The following THBS1 variants were observed in gnomAD, a reference collection of about 807,000 sequenced individuals.
The protein encoded by THBS1 is thrombospondin-1.
Under a neutral mutation model 126.1 loss-of-function variants are expected in THBS1, and 29 were observed. That is an observed-to-expected ratio of 0.23 (90% CI 0.17 to 0.31). The LOEUF (loss-of-function observed/expected upper bound fraction) is 0.31. Ranked by LOEUF, THBS1 falls within the 10% of genes least tolerant of loss-of-function variation. THBS1 has a pLI of 1.00. For missense variants in THBS1, 1,198 were observed against 1,545.2 expected (o/e 0.78, Z 3.77); for synonymous variants, 496 against 577.8 (o/e 0.86, Z 2.03).
intron 7 of THBS1, 64 bp downstream of exon 7, chr15:39,585,627 C>T: frequency 1.4e-6 from 2 of 1,467,560 alleles, no homozygotes; most frequent in Non-Finnish European, 1.9e-6. Context: ...ACATCCTAGA[C>T]AGCCGAGCAC....
At chr15:39,588,483 G>C (rs1242148890) in intron 9 of THBS1, 43 bp from the exon 10 acceptor site, 2 of 1,521,006 alleles carry the variant, frequency 1.3e-6, no homozygotes, top group Non-Finnish European at 1.8e-6. Flanking sequence ...GGAGGGATTT[G>C]AAAGTTGATC....
Position 39,581,761 on chromosome 15 carries a change from G to GT in THBS1, c.-29-65dup, listed in dbSNP as rs1890111220. 9.7e-6 allele frequency: 10 copies of GT among 1,036,160 alleles called. No homozygotes were observed. The South Asian group carries it at 1.5e-4, about 15-fold the overall frequency. 64.2% of individuals were successfully genotyped at this position (1,036,160 alleles called of 1,614,324 possible). Reference sequence around the variant, plus strand: ...CGGCCCTGTCCCCATGCCCAGCCCCGTTTCTGCGCACCGTCCCTCCCTGCC... The same window carrying GT: ...CGGCCCTGTCCCCATGCCCAGCCCCGTTTTCTGCGCACCGTCCCTCCCTGCC... On this transcript the variant is annotated intron_variant, in intron 1 of 21. Transcript: ENST00000260356.
At position 39,599,153 on chromosome 15, in the gene THBS1, G is replaced by C. The variant is rs1890553525; in HGVS notation, c.*3784G>C. 4 of 152,036 alleles carry C rather than the reference G, an allele frequency of 2.6e-5. No individual in the cohort carries two copies. The highest frequency in any genetic ancestry group is 2.6e-4 in the Admixed American group (4 of 15,264). 9.4% of individuals were successfully genotyped at this position (152,036 alleles called of 1,614,324 possible). A position where few individuals can be genotyped will look rare whatever the true frequency, so the allele number is the denominator to read the frequency against. On this transcript the variant is annotated 3_prime_UTR_variant, in exon 22 of 22. Coordinates refer to ENST00000260356, the MANE Select transcript of THBS1 (RefSeq NM_003246.4). ...TTCCGGACAAACACTAAGCCCTAAA[G>C]GGAAATCCAAAATAAAAACATCTAT...
In THBS1 at chr15:39,593,397, G is replaced by A; in HGVS notation, c.2996G>A (p.Gly999Asp). ...TVNCDPGLAV[G>D]YDEFNAVDFS... ...ACCTGGCTCTGGGCTCTTCTTCCAG[G>A]TTATGATGAGTTTAATGCTGTGGAC... The change falls in exon 19 of 22, where the codon GGT becomes GAT. Residue 999 changes from glycine to aspartate, a missense_variant and splice_region_variant. Transcript: ENST00000260356. The surrounding 1 kb of genome is among the most constrained non-coding windows in gnomAD (Gnocchi z 5.9). 1 of 1,614,056 alleles carries A rather than the reference G, an allele frequency of 6.2e-7. No individual in the cohort carries two copies. The highest frequency in any genetic ancestry group is 2.2e-5 in the East Asian group (1 of 44,880).
chr15:39,590,012 C>A lies in THBS1; in HGVS notation c.2134C>A (p.His712Asn), dbSNP rs1010428135. Reference protein sequence around the residue: ...NLVCVANATYHCKKDNCPNLP... With the variant: ...NLVCVANATYNCKKDNCPNLP... Reference sequence around the variant, plus strand: ...GGTGTGCGTGGCCAATGCGACTTACCACTGCAAAAAGGTAGAGCCAGGTCC... The same window carrying A: ...GGTGTGCGTGGCCAATGCGACTTACAACTGCAAAAAGGTAGAGCCAGGTCC... Residue 712 changes from histidine to asparagine, a missense_variant, in exon 13 of 22, where the codon CAC becomes AAC. This residue lies in a region of THBS1 where 663 missense variants were observed against 860.1 expected (regional missense o/e 0.77). Transcript: ENST00000260356. The A allele has an allele frequency of 6.2e-7, 1 of 1,602,062 alleles. No homozygotes were observed. The highest frequency in any genetic ancestry group is 1.1e-5 in the South Asian group (1 of 89,148).
chr15:39,592,558 T>G lies in THBS1; in HGVS notation c.2533-10T>G. ...CTGCAATTTACCCTCCATTTACATC[T>G]CTCTTTCAGCTGGACTCTGACTCAG... is the stretch of plus-strand genomic sequence containing the variant. On this transcript the variant is annotated splice_polypyrimidine_tract_variant and intron_variant, in intron 16 of 21. Transcript: ENST00000260356. This position sits in a 1 kb window ranked among gnomAD's most constrained non-coding sequence, Gnocchi z 4.3. 1 of 1,605,482 alleles carries G rather than the reference T, an allele frequency of 6.2e-7. No individual in the cohort carries two copies. The highest frequency in any genetic ancestry group is 8.5e-7 in the Non-Finnish European group (1 of 1,174,892).
rs760884150 is a variant in THBS1, at chr15:39,593,622, A to G, written c.3221A>G (p.Glu1074Gly). 1.2e-6 allele frequency: 2 copies of G among 1,614,124 alleles called. No individual in the cohort carries two copies. The highest frequency in any genetic ancestry group is 3.3e-5 in the Admixed American group (2 of 60,014). Residue 1074 changes from glutamate to glycine, a missense_variant, in exon 19 of 22, where the codon GAG (glutamate) becomes GGG (glycine). Physicochemically the swap from Glu to Gly is moderately conservative, Grantham distance 98. Transcript: ENST00000260356. This position sits in a 1 kb window ranked among gnomAD's most constrained non-coding sequence, Gnocchi z 5.9. ...KVVNSTTGPGEHLRNALWHTG... is the reference protein window; with the variant it reads ...KVVNSTTGPGGHLRNALWHTG... ...GTAAACTCCACCACAGGGCCTGGCG[A>G]GCACCTGCGGAACGCCCTGTGGCAC...
At chr15:39,595,296 A>G (rs2140352294) in intron 21 of THBS1, 66 bp from the exon 22 acceptor site, 1 of 982,592 alleles carries the variant, frequency 1.0e-6, no homozygotes, top group Non-Finnish European at 1.4e-6. Context: ...CTTATTAACT[A>G]AGATGTCTAT....
At chr15:39,590,232 A>G (rs762877685) in intron 13 of THBS1, among the ~76,000 whole-genome samples, 2 of 152,224 alleles carry the variant, frequency 1.3e-5, no homozygotes, top group Non-Finnish European at 2.9e-5. Context: ...ACTGTGTTCC[A>G]TAGTCAACTC....
At chr15:39,591,696 G>A in intron 16 of THBS1, 73 bp downstream of exon 16, 1 of 1,398,412 alleles carries the variant, frequency 7.2e-7, no homozygotes. Flanking sequence ...TTTGAAAAAT[G>A]AGCTTAACAA....
In THBS1 at chr15:39,595,452, C is replaced by T; in HGVS notation, c.*83C>T. Reference sequence around the variant, plus strand: ...GGAACTATGGGCTTGAGAAAACCCCCAGGATCACTTCTCCTTGGCTTCCTT... The same window carrying T: ...GGAACTATGGGCTTGAGAAAACCCCTAGGATCACTTCTCCTTGGCTTCCTT... On this transcript the variant is annotated 3_prime_UTR_variant, in exon 22 of 22. Transcript: ENST00000260356. 1 of 1,462,754 alleles carries T rather than the reference C, an allele frequency of 6.8e-7. No homozygotes were observed. Among genetic ancestry groups the T allele is most frequent in the Non-Finnish European group, 9.1e-7 (1 of 1,099,832 alleles). 90.6% of individuals were successfully genotyped at this position (1,462,754 alleles called of 1,614,324 possible).
chr15:39,588,022 C>A lies in THBS1; in HGVS notation c.1295-20C>A. ...GTCTCTAAGCCAAAACCATTTGTGA[C>A]CATCAACTCTGTACTTTAGTTAAAC... On this transcript the variant is annotated intron_variant, in intron 8 of 21. Coordinates refer to ENST00000260356, the MANE Select transcript of THBS1 (RefSeq NM_003246.4). 6.2e-7 allele frequency: 1 copy of A among 1,608,146 alleles called. No homozygotes were observed. Among genetic ancestry groups the A allele is most frequent in the Non-Finnish European group, 8.5e-7 (1 of 1,176,598 alleles).
rs771906293 is a variant in THBS1, at chr15:39,591,585, C to G, written c.2494C>G (p.Gln832Glu). 3 of 1,614,218 alleles carry G rather than the reference C, an allele frequency of 1.9e-6. No individual in the cohort carries two copies. Among genetic ancestry groups the G allele is most frequent in the Non-Finnish European group, 2.5e-6 (3 of 1,180,044 alleles). Residue 832 changes from glutamine to glutamate, a missense_variant, in exon 16 of 22, where the codon CAG becomes GAG. Physicochemically the swap from Gln to Glu is conservative, Grantham distance 29. Coordinates refer to ENST00000260356, the MANE Select transcript of THBS1 (RefSeq NM_003246.4). Reference sequence around the variant, plus strand: ...CACTGATATGGATGGGGTTGGAGATCAGTGTGACAATTGCCCCTTGGAACA... The same window carrying G: ...CACTGATATGGATGGGGTTGGAGATGAGTGTGACAATTGCCCCTTGGAACA... ...RDTDMDGVGD[Q>E]CDNCPLEHNP...
Position 39,597,533 on chromosome 15 carries a change from A to G in THBS1, c.*2164A>G, listed in dbSNP as rs1269231395. On this transcript the variant is annotated 3_prime_UTR_variant, in exon 22 of 22. Transcript: ENST00000260356. ...GTCATGAAGTATATGCGTAAATACC[A>G]TTCATAAATCAATATAGCATATACA... The G allele has an allele frequency of 6.6e-6, 1 of 152,032 alleles. No homozygotes were observed. Among genetic ancestry groups the G allele is most frequent in the Non-Finnish European group, 1.5e-5 (1 of 68,000 alleles). The allele number at this position is 152,032 out of a possible 1,614,324, so 9.4% of individuals were successfully genotyped here.
At chr15:39,582,802 G>A (rs1890138850) in intron 3 of THBS1, 50 bp downstream of exon 3, 2 of 1,538,692 alleles carry the variant, frequency 1.3e-6, no homozygotes, top group East Asian at 2.3e-5. Flanking sequence ...TGCTAGACAG[G>A]TGACCTGCCA....
intron 1 of THBS1, 187 bp from the exon 2 acceptor site, chr15:39,581,642 C>A: frequency 6.0e-6 from 2 of 331,332 alleles, no homozygotes; most frequent in Non-Finnish European, 5.5e-6. Context: ...TCCTCCACCT[C>A]TCTCTCTCTC....
At chr15:39,585,205 C>A (rs749683211) in intron 6 of THBS1, among the ~76,000 whole-genome samples, 2 of 152,192 alleles carry the variant, frequency 1.3e-5, no homozygotes, top group Non-Finnish European at 2.9e-5. Context: ...GCTATAAATT[C>A]TTTGTACTGT....
Position 39,583,663 on chromosome 15 carries a change from A to G in THBS1, c.674A>G (p.Asp225Gly). 1 of 1,614,030 alleles carries G rather than the reference A, an allele frequency of 6.2e-7. No homozygotes were observed. Among genetic ancestry groups the G allele is most frequent in the African/African-American group, 1.3e-5 (1 of 75,004 alleles). The change falls in exon 4 of 22, where the codon GAC becomes GGC. Residue 225 changes from aspartate to glycine, a missense_variant. By Grantham distance (94) the Asp-to-Gly change is moderately conservative. Transcript: ENST00000260356. The part of the protein sequence containing the change: ...VRFVFGTTPE[D>G]ILRNKGCSSS... Reference sequence around the variant, plus strand: ...TTTGTCTTTGGAACCACACCAGAAGACATCCTCAGGAACAAAGGCTGCTCC... The same window carrying G: ...TTTGTCTTTGGAACCACACCAGAAGGCATCCTCAGGAACAAAGGCTGCTCC...
chr15:39,593,125 C>T lies in THBS1; in HGVS notation c.2893C>T (p.Leu965=), dbSNP rs780039434. Residue 965 remains leucine (L), a synonymous_variant, in exon 18 of 22, where the codon CTG becomes TTG. Coordinates refer to ENST00000260356, the MANE Select transcript of THBS1 (RefSeq NM_003246.4). This position sits in a 1 kb window ranked among gnomAD's most constrained non-coding sequence, Gnocchi z 5.9. ...TDFRRFQMIP[L]DPKGTSQNDP... ...TTTCCGCCGATTCCAGATGATTCCT[C>T]TGGACCCCAAAGGGACATCCCAAAA... 1.9e-6 allele frequency: 3 copies of T among 1,600,646 alleles called. No individual in the cohort carries two copies. The highest frequency in any genetic ancestry group is 2.2e-5 in the East Asian group (1 of 44,834).
Sources: allele counts gnomAD v4.1 joint callset (sites outside exome capture counted in the v4.1 genomes callset), GRCh38; gene constraint gnomAD v4.1.1; regional missense constraint gnomAD v4.1.1; non-coding constraint Gnocchi (gnomAD v3.1); transcripts MANE v1.5; gene names NCBI Gene and HGNC (gene_info 2026-07-23, HGNC 2026-07-21).